DBT: variants seen among roughly 807,000 people sequenced by gnomAD.
DBT encodes the protein dihydrolipoamide branched chain transacylase E2.
A neutral mutation model predicts 51.3 loss-of-function variants in DBT; 40 were observed. The ratio of observed to expected loss-of-function variants is 0.78; its 90% CI spans 0.61 to 1.02. The LOEUF (loss-of-function observed/expected upper bound fraction) is 1.02. Among genes scored for constraint, DBT ranks in the 50% least tolerant of loss-of-function variants. DBT has a pLI of 0.00. For missense variants in DBT, 510 were observed against 580.2 expected (o/e 0.88, Z 1.24); for synonymous variants, 181 against 190.4 (o/e 0.95, Z 0.41).
At chr1:100,227,603 A>G (rs1270932314) in intron 4 of DBT, among the ~76,000 whole-genome samples, 1 of 152,182 alleles carries the variant, frequency 6.6e-6, no homozygotes, top group Non-Finnish European at 1.5e-5. Flanking sequence ...CTAACACTAC[A>G]TACATAATTT....
chr1:100,235,837 G>C (rs938296282), intron 2 of DBT, among the ~76,000 whole-genome samples: 1 of 152,098 alleles, frequency 6.6e-6, no homozygotes, highest in East Asian at 1.9e-4. Context: ...ATAGAAAATA[G>C]AACAAAGATA....
chr1:100,249,666 G>A (rs975193001), intron 1 of DBT, 104 bp downstream of exon 1: 13 of 1,093,184 alleles, frequency 1.2e-5, no homozygotes, highest in Admixed American at 3.4e-5. Context: ...TCCATCACGC[G>A]TGCCCTGGAC....
At position 100,206,306 on chromosome 1, in the gene DBT, T is replaced by C; in HGVS notation, c.1210-5A>G. 6.2e-7 allele frequency: 1 copy of C among 1,602,314 alleles called. No homozygotes were observed. ...TTTGGCAAAGGTACCACCAATCTAT[T>C]TTTTAAAAAAAAAAAAAGGAGAGTA... On this transcript the variant is annotated splice_region_variant and splice_polypyrimidine_tract_variant and intron_variant, in intron 9 of 10. Transcript: ENST00000370132.
chr1:100,199,994 C>G (rs1209766467), intron 10 of DBT, among the ~76,000 whole-genome samples: 1 of 152,044 alleles, frequency 6.6e-6, no homozygotes, highest in African/African-American at 2.4e-5. Flanking sequence ...ACCAAGCTAG[C>G]TGCAGTTTTG....
chr1:100,238,805 T>C (rs1380278003), intron 2 of DBT, among the ~76,000 whole-genome samples: 1 of 151,562 alleles, frequency 6.6e-6, no homozygotes, highest in Non-Finnish European at 1.5e-5. Context: ...TGGAATGGAG[T>C]TGGTGAGAGA....
At chr1:100,223,181 T>C (rs1008964839) in intron 4 of DBT, among the ~76,000 whole-genome samples, 1 of 152,154 alleles carries the variant, frequency 6.6e-6, no homozygotes, top group East Asian at 1.9e-4. Context: ...ATGTATGAAA[T>C]TTTTAAAACA....
At chr1:100,235,941 C>G (rs1419706106) in intron 2 of DBT, among the ~76,000 whole-genome samples, 1 of 152,136 alleles carries the variant, frequency 6.6e-6, no homozygotes, top group Non-Finnish European at 1.5e-5. Flanking sequence ...ACTATTCTTT[C>G]TCATTCTTAA....
rs1040091795 is a variant in DBT, at chr1:100,189,167, C to T, written c.*7088G>A. The T allele has an allele frequency of 1.3e-5, 2 of 152,038 alleles. No homozygotes were observed. The highest frequency in any genetic ancestry group is 2.4e-5 in the African/African-American group (1 of 41,352). 9.4% of individuals were successfully genotyped at this position (152,038 alleles called of 1,614,324 possible). A position where few individuals can be genotyped will look rare whatever the true frequency, so the allele number is the denominator to read the frequency against. On this transcript the variant is annotated 3_prime_UTR_variant, in exon 11 of 11. Transcript: ENST00000370132. ...ACCAGCCTGGCCAACATGGCGAAACCCCATCTCTGCTAAAAATAGAAAAAT... is the reference window on the plus strand; with the variant it reads ...ACCAGCCTGGCCAACATGGCGAAACTCCATCTCTGCTAAAAATAGAAAAAT...
At chr1:100,218,937 G>GGT (rs1662662882) in intron 4 of DBT, among the ~76,000 whole-genome samples, 190 bp from the exon 5 acceptor site, 1 of 151,630 alleles carries the variant, frequency 6.6e-6, no homozygotes, top group Admixed American at 6.6e-5. Flanking sequence ...TAGAGTGGGG[G>GGT]GGGGGGTGTG....
intron 7 of DBT, among the ~76,000 whole-genome samples, chr1:100,211,986 G>A (rs1182762808): frequency 6.6e-6 from 1 of 152,096 alleles, no homozygotes; most frequent in Non-Finnish European, 1.5e-5. Context: ...TGCCCAGGCT[G>A]GTCTTGAACT....
chr1:100,227,076 T>A (rs1321276020), intron 4 of DBT, among the ~76,000 whole-genome samples: 1 of 152,250 alleles, frequency 6.6e-6, no homozygotes, highest in Non-Finnish European at 1.5e-5. Flanking sequence ...CACAAACCTG[T>A]GGAGCATGTT....
At chr1:100,214,572 T>C (rs1036428269) in intron 7 of DBT, among the ~76,000 whole-genome samples, 1 of 152,106 alleles carries the variant, frequency 6.6e-6, no homozygotes, top group Admixed American at 6.5e-5. Flanking sequence ...CTGACCAACA[T>C]GGCGAAACCA....
In DBT at chr1:100,206,401, G is replaced by A. The variant is rs1268118277; in HGVS notation, c.1209+44C>T. On this transcript the variant is annotated intron_variant, in intron 9 of 10. Transcript: ENST00000370132. Reference sequence around the variant, plus strand: ...CTATTTTTAATTAAGCATATGATCAGAAACCTTAAGTAATGGTTTATGTAT... The same window carrying A: ...CTATTTTTAATTAAGCATATGATCAAAAACCTTAAGTAATGGTTTATGTAT... 4 of 1,555,236 alleles carry A rather than the reference G, an allele frequency of 2.6e-6. No homozygotes were observed. In the African/African-American group the frequency reaches 5.4e-5, roughly 21 times the overall value.
At chr1:100,208,363 A>G (rs989730396) in intron 8 of DBT, among the ~76,000 whole-genome samples, 1 of 152,208 alleles carries the variant, frequency 6.6e-6, no homozygotes, top group Non-Finnish European at 1.5e-5. Context: ...CAAGCATTTC[A>G]GGTAACGGAT....
chr1:100,206,770 T>A, intron 8 of DBT, 134 bp from the exon 9 acceptor site: 1 of 675,428 alleles, frequency 1.5e-6, no homozygotes, highest in Non-Finnish European at 2.6e-6. Context: ...TTAAAAGAAA[T>A]AATTTAAAAA....
chr1:100,242,554 C>T (rs1260138434), intron 1 of DBT, among the ~76,000 whole-genome samples: 2 of 152,054 alleles, frequency 1.3e-5, no homozygotes, highest in African/African-American at 4.8e-5. Context: ...TTTATTTTTA[C>T]TAACATTAAT....
Position 100,207,689 on chromosome 1 carries a change from T to A in DBT, c.1018-1053A>T, listed in dbSNP as rs74633693. Among the ~76,000 whole-genome samples, 1,424 of 151,710 alleles carry A rather than the reference T, an allele frequency of 9.4e-3. 25 individuals carry two copies. The highest frequency in any genetic ancestry group is 0.033 in the African/African-American group (1,372 of 41,370). ...AATTTTTTTTAATTAGCTACAAAAA[T>A]TTTTTTTTAAATTATGGCACATGCC... On this transcript the variant is annotated intron_variant, in intron 8 of 10. Coordinates refer to ENST00000370132, the MANE Select transcript of DBT (RefSeq NM_001918.5).
Position 100,208,298 on chromosome 1 carries a change from T to A in DBT, c.1018-1662A>T, listed in dbSNP as rs150995989. On this transcript the variant is annotated intron_variant, in intron 8 of 10. Coordinates refer to ENST00000370132, the MANE Select transcript of DBT (RefSeq NM_001918.5). ...CTGTCCTCAAGATATCTCCTTTGTA[T>A]ATGCAAATATTCCATAATCCAAAAA... Among the ~76,000 whole-genome samples, 1,181 of 152,328 alleles carry A rather than the reference T, an allele frequency of 7.8e-3. 7 individuals are homozygous for A. The highest frequency in any genetic ancestry group is 0.012 in the Non-Finnish European group (813 of 68,014).
At chr1:100,218,853 A>T (rs546711567) in intron 4 of DBT, 106 bp from the exon 5 acceptor site, 1 of 841,238 alleles carries the variant, frequency 1.2e-6, no homozygotes, top group African/African-American at 1.8e-5. Context: ...TAAATAAATT[A>T]AAGTTTATAG....
Sources: allele counts gnomAD v4.1 joint callset (sites outside exome capture counted in the v4.1 genomes callset), GRCh38; gene constraint gnomAD v4.1.1; transcripts MANE v1.5; gene names NCBI Gene and HGNC (gene_info 2026-07-23, HGNC 2026-07-21).